Variants in GABRA3 observed in about 807,000 individuals in gnomAD.
GABRA3 encodes the protein gamma-aminobutyric acid type A receptor subunit alpha3.
Under a neutral mutation model 30.1 loss-of-function variants are expected in GABRA3, and 10 were observed. The ratio of observed to expected loss-of-function variants is 0.33; its 90% CI spans 0.20 to 0.56. The LOEUF is 0.56. Among genes scored for constraint, GABRA3 ranks in the 20% least tolerant of loss-of-function variants. The pLI, the probability that GABRA3 is intolerant of heterozygous loss-of-function variation, is 0.89. For synonymous variants in GABRA3, 151 were observed against 146.8 expected, an observed-to-expected ratio of 1.03 and a Z score of -0.21; for missense variants, 233 against 392.0, an observed-to-expected ratio of 0.59 and a Z score of 3.42.
intron 5 of GABRA3, among the ~76,000 whole-genome samples, chrX:152,249,373 G>A (rs1366881845): frequency 9.0e-6 from 1 of 111,374 alleles, no homozygotes; most frequent in African/African-American, 3.3e-5. Context: ...GCTAGAATAA[G>A]TGTTGTGAAG....
intron 1 of GABRA3, among the ~76,000 whole-genome samples, chrX:152,369,795 G>A (rs1221820142): frequency 9.1e-6 from 1 of 109,542 alleles, no homozygotes. Flanking sequence ...TGAGGATTTT[G>A]GTTTTTTTTA....
intron 3 of GABRA3, among the ~76,000 whole-genome samples, chrX:152,318,244 A>G (rs1176893825): frequency 9.0e-6 from 1 of 111,562 alleles, no homozygotes; most frequent in Non-Finnish European, 1.9e-5. Context: ...GGAAACATAC[A>G]ACCCTCCTAC....
chrX:152,445,000 G>A (rs1374958482), intron 1 of GABRA3, among the ~76,000 whole-genome samples: 2 of 75,259 alleles, frequency 2.7e-5, no homozygotes, highest in African/African-American at 5.2e-5. Flanking sequence ...GGCGGAGCTT[G>A]CAGTGAGCCG....
chrX:152,240,162 C>G (rs889117909), intron 5 of GABRA3, among the ~76,000 whole-genome samples: 7 of 104,394 alleles, frequency 6.7e-5, no homozygotes, highest in Non-Finnish European at 1.3e-4. Context: ...TTAGCGCTTC[C>G]TTCAGGAGCA....
At chrX:152,256,642 C>T (rs1282530657) in intron 4 of GABRA3, among the ~76,000 whole-genome samples, 2 of 111,610 alleles carry the variant, frequency 1.8e-5, no homozygotes, top group East Asian at 5.6e-4. Context: ...TATCTAAATA[C>T]AAAATAAATG....
At chrX:152,241,676 C>G (rs776854298) in intron 5 of GABRA3, among the ~76,000 whole-genome samples, 7 of 109,503 alleles carry the variant, frequency 6.4e-5, no homozygotes, top group Non-Finnish European at 1.3e-4. Context: ...GCGTAGGACC[C>G]TCTGAGCCAG....
intron 9 of GABRA3, among the ~76,000 whole-genome samples, chrX:152,175,158 T>G (rs1309383643): frequency 8.9e-6 from 1 of 111,878 alleles, no homozygotes; most frequent in African/African-American, 3.2e-5. Context: ...CAGAACTAAT[T>G]AGGGACAGAG....
intron 5 of GABRA3, among the ~76,000 whole-genome samples, chrX:152,249,221 C>A (rs1938511471): frequency 9.0e-6 from 1 of 111,029 alleles, no homozygotes; most frequent in Admixed American, 9.6e-5. Context: ...AACTTATTTA[C>A]TTGTAGAAAC....
rs183062436 is a variant in GABRA3, at chrX:152,175,989, A to G, written c.1144-7426T>C. Among the ~76,000 whole-genome samples, 551 of 109,678 alleles carry G rather than the reference A, an allele frequency of 5.0e-3. 2 individuals carry two copies. Among genetic ancestry groups the G allele is most frequent in the African/African-American group, 0.017 (509 of 30,051 alleles). ...TGAGGCAGAAGAATCGCTTGAACCC[A>G]GGAAATGGAGGTTGCAGTGAGCCGA... is the stretch of plus-strand genomic sequence containing the variant. On this transcript the variant is annotated intron_variant, in intron 9 of 9. Transcript: ENST00000370314.
At chrX:152,392,854 A>C (rs1363205721) in intron 1 of GABRA3, among the ~76,000 whole-genome samples, 1 of 112,368 alleles carries the variant, frequency 8.9e-6, no homozygotes, top group African/African-American at 3.2e-5. Flanking sequence ...TTCGGAGAAT[A>C]AAACCATGCT....
intron 1 of GABRA3, among the ~76,000 whole-genome samples, chrX:152,412,263 G>A (rs1416693624): frequency 8.9e-6 from 1 of 111,888 alleles, no homozygotes; most frequent in East Asian, 2.8e-4. Flanking sequence ...ACAGTTTGGT[G>A]AGTCCTCAGT....
Position 152,264,820 on chromosome X carries a change from G to A in GABRA3, c.331-8822C>T, listed in dbSNP as rs779244831. Among the ~76,000 whole-genome samples the A allele has an allele frequency of 3.6e-5, 4 of 110,709 alleles. No homozygotes were observed. In the South Asian group the frequency reaches 1.5e-3, roughly 42 times the overall value. ...TGGAAAAAGATATTCCATGCAGATGGAAAGCAAAAAAGAGCAGGAGTAGCT... is the reference window on the plus strand; with the variant it reads ...TGGAAAAAGATATTCCATGCAGATGAAAAGCAAAAAAGAGCAGGAGTAGCT... On this transcript the variant is annotated intron_variant, in intron 4 of 9. Coordinates refer to ENST00000370314, the MANE Select transcript of GABRA3 (RefSeq NM_000808.4).
intron 5 of GABRA3, among the ~76,000 whole-genome samples, chrX:152,255,577 G>A (rs1305684514): frequency 1.8e-5 from 2 of 112,151 alleles, no homozygotes; most frequent in African/African-American, 6.5e-5. Flanking sequence ...GTTCATCTAT[G>A]CAACTCTTTA....
Position 152,187,053 on chromosome X carries a change from A to T in GABRA3, c.1143+2677T>A, listed in dbSNP as rs189678229. ...AGTGAACTCAAGCTGTATATCACTG[A>T]TTGCTGCTAACTGCTCCTAAAATAT... is the stretch of plus-strand genomic sequence containing the variant. On this transcript the variant is annotated intron_variant, in intron 9 of 9. Coordinates refer to ENST00000370314, the MANE Select transcript of GABRA3 (RefSeq NM_000808.4). Among the ~76,000 whole-genome samples the T allele has an allele frequency of 4.1e-3, 463 of 112,087 alleles. 4 individuals carry two copies. The highest frequency in any genetic ancestry group is 6.1e-3 in the Admixed American group (64 of 10,522).
intron 1 of GABRA3, among the ~76,000 whole-genome samples, chrX:152,378,183 C>T (rs1278264531): frequency 1.8e-5 from 2 of 111,693 alleles, no homozygotes; most frequent in African/African-American, 6.5e-5. Context: ...AATAATTTTT[C>T]GCAGACATTG....
intron 1 of GABRA3, among the ~76,000 whole-genome samples, chrX:152,427,544 C>G (rs963411187): frequency 3.6e-5 from 4 of 112,030 alleles, no homozygotes; most frequent in African/African-American, 1.3e-4. Flanking sequence ...TCCCCACTAA[C>G]CTAGGTCTGC....
At chrX:152,182,633 C>CTATATATACTATATATACATATATAGTG (rs1937182672) in intron 9 of GABRA3, among the ~76,000 whole-genome samples, 1 of 3,327 alleles carries the variant, frequency 3.0e-4, no homozygotes, top group African/African-American at 6.0e-4. Flanking sequence ...TATATATACA[C>CTATATATACTATATATACATATATAGTG]TATATATACA....
At chrX:152,219,575 A>T (rs1379411228) in intron 6 of GABRA3, among the ~76,000 whole-genome samples, 1 of 111,457 alleles carries the variant, frequency 9.0e-6, no homozygotes, top group African/African-American at 3.3e-5. Context: ...GTTAAGTCAA[A>T]ACCAAGAGCA....
At chrX:152,317,824 TAA>T (rs1307753579) in intron 3 of GABRA3, among the ~76,000 whole-genome samples, 4 of 111,340 alleles carry the variant, frequency 3.6e-5, no homozygotes, top group African/African-American at 1.3e-4. Flanking sequence ...AAAGCAGTGC[TAA>T]GAGGAAAGTT....
Sources: allele counts gnomAD v4.1 joint callset (sites outside exome capture counted in the v4.1 genomes callset), GRCh38; gene constraint gnomAD v4.1.1; transcripts MANE v1.5; gene names NCBI Gene and HGNC (gene_info 2026-07-23, HGNC 2026-07-21).